LZIC: variants seen among roughly 807,000 people sequenced by gnomAD.
The protein encoded by LZIC is leucine zipper and CTNNBIP1 domain containing.
In LZIC, 28 loss-of-function variants were observed where a neutral mutation model predicts 25.4. The ratio of observed to expected loss-of-function variants is 1.10; its 90% CI spans 0.82 to 1.51. The LOEUF (loss-of-function observed/expected upper bound fraction) is 1.51, where lower values mean the gene tolerates loss of function less well. Among genes scored for constraint, LZIC ranks in the 40% most tolerant of loss-of-function variants. The pLI is 0.00. For synonymous variants in LZIC, 65 were observed against 70.7 expected (o/e 0.92, Z 0.40); for missense variants, 170 against 211.1 (o/e 0.81, Z 1.21).
chr1:9,939,670 C>T (rs1042599152), intron 2 of LZIC, among the ~76,000 whole-genome samples: 2 of 149,588 alleles, frequency 1.3e-5, no homozygotes, highest in African/African-American at 4.9e-5. Flanking sequence ...ACATTTCTTG[C>T]TATTTACATT....
At chr1:9,936,393 T>C (rs907566415) in intron 3 of LZIC, 126 bp downstream of exon 3, 3 of 629,306 alleles carry the variant, frequency 4.8e-6, no homozygotes, top group Admixed American at 2.9e-5. Flanking sequence ...ACTTCTCTAA[T>C]AGACAAAGCA....
intron 2 of LZIC, among the ~76,000 whole-genome samples, chr1:9,936,999 C>T (rs189094732): frequency 4.6e-5 from 7 of 152,282 alleles, no homozygotes; most frequent in Non-Finnish European, 1.0e-4. Flanking sequence ...TGTGGTGGCT[C>T]ACGCCTGTAA....
In LZIC at chr1:9,930,126, G is replaced by C. The variant is rs1388106622; in HGVS notation, c.*273C>G. ...CCTTAATAAAAATCAAGTCCACTTT[G>C]TTTTCTCTCTTAAACAGACAAATCA... On this transcript the variant is annotated 3_prime_UTR_variant, in exon 8 of 8. Transcript: ENST00000377223. 10 of 1,177,390 alleles carry C rather than the reference G, an allele frequency of 8.5e-6. No homozygotes were observed. Among genetic ancestry groups the C allele is most frequent in the Non-Finnish European group, 1.1e-5 (10 of 948,550 alleles). The allele number at this position is 1,177,390 out of a possible 1,614,324, so 72.9% of individuals were successfully genotyped here. A position where few individuals can be genotyped will look rare whatever the true frequency, so the allele number is the denominator to read the frequency against.
intron 4 of LZIC, 62 bp from the exon 5 acceptor site, chr1:9,934,922 C>T (rs1640387585): frequency 8.5e-7 from 1 of 1,176,338 alleles, no homozygotes; most frequent in African/African-American, 1.5e-5. Context: ...ATTGCAATAA[C>T]TGATTGACGG....
chr1:9,935,119 G>A (rs1192876956), intron 4 of LZIC, among the ~76,000 whole-genome samples: 2 of 151,026 alleles, frequency 1.3e-5, no homozygotes, highest in African/African-American at 4.9e-5. Context: ...AATGTAGCAA[G>A]ACCCCATCTC....
At position 9,927,225 on chromosome 1, in the gene LZIC, G is replaced by A. The variant is rs1205881936; in HGVS notation, c.*3174C>T. Among the ~76,000 whole-genome samples, 1 of 152,218 alleles carries A rather than the reference G, an allele frequency of 6.6e-6. No individual in the cohort carries two copies. Among genetic ancestry groups the A allele is most frequent in the Admixed American group, 6.5e-5 (1 of 15,276 alleles). ...TTACTTACAAAATGAACACATTAATGTGATAATTGACAAAATATTTCAGAT... is the reference window on the plus strand; with the variant it reads ...TTACTTACAAAATGAACACATTAATATGATAATTGACAAAATATTTCAGAT... On this transcript the variant is annotated 3_prime_UTR_variant, in exon 8 of 8. Coordinates refer to ENST00000377223, the MANE Select transcript of LZIC (RefSeq NM_032368.5).
intron 2 of LZIC, among the ~76,000 whole-genome samples, chr1:9,937,847 CAAAAAAAAAAA>C (rs34452687): frequency 4.7e-4 from 25 of 52,738 alleles, no homozygotes; most frequent in Non-Finnish European, 6.5e-4. Context: ...GACCCTGACT[CAAAAAAAAAAA>C]AAAAAAAAAA....
At chr1:9,940,171 T>C (rs1640646270) in intron 2 of LZIC, among the ~76,000 whole-genome samples, 1 of 151,322 alleles carries the variant, frequency 6.6e-6, no homozygotes, top group Admixed American at 6.6e-5. Flanking sequence ...GGTAACTTAT[T>C]AAAACATGTT....
chr1:9,939,984 T>C (rs1010887648), intron 2 of LZIC, among the ~76,000 whole-genome samples: 1 of 151,782 alleles, frequency 6.6e-6, no homozygotes, highest in Non-Finnish European at 1.5e-5. Context: ...CTGGGCATGG[T>C]GGTGTGTGCT....
chr1:9,937,842 T>C (rs1226750796), intron 2 of LZIC, among the ~76,000 whole-genome samples: 2 of 78,110 alleles, frequency 2.6e-5, no homozygotes, highest in African/African-American at 5.0e-5. Context: ...AGCGAGACCC[T>C]GACTCAAAAA....
chr1:9,932,846 T>C lies in LZIC; in HGVS notation c.389A>G (p.Gln130Arg), dbSNP rs181400398. Residue 130 changes from glutamine (Q) to arginine (R), a missense_variant, in exon 6 of 8, where the codon CAG becomes CGG. Transcript: ENST00000377223. ...AAGAGCTGTTAGTATCTCCACTTTC[T>C]GTTGAGTGTACAGGTCTCTTTCCAG... is the stretch of plus-strand genomic sequence containing the variant. ...GKLERDLYTQ[Q>R]KVEILTALRK... 5 of 1,613,120 alleles carry C rather than the reference T, an allele frequency of 3.1e-6. No homozygotes were observed. Among genetic ancestry groups the C allele is most frequent in the Non-Finnish European group, 4.2e-6 (5 of 1,179,200 alleles).
downstream of LZIC, among the ~76,000 whole-genome samples, chr1:9,924,478 C>A (rs762204050): frequency 6.6e-6 from 1 of 152,060 alleles, no homozygotes; most frequent in Non-Finnish European, 1.5e-5. Flanking sequence ...CCTCAGCCTC[C>A]CAAATAGCTG....
chr1:9,939,696 C>A (rs1032235689), intron 2 of LZIC, among the ~76,000 whole-genome samples: 1 of 152,126 alleles, frequency 6.6e-6, no homozygotes, highest in African/African-American at 2.4e-5. Context: ...GGCTTTATCA[C>A]TGATATATCT....
Position 9,941,853 on chromosome 1 carries a change from C to T in LZIC, c.-9+771G>A, listed in dbSNP as rs140852334. Among the ~76,000 whole-genome samples, 1,298 of 152,120 alleles carry T rather than the reference C, an allele frequency of 8.5e-3. 11 individuals carry two copies. Among genetic ancestry groups the T allele is most frequent in the Non-Finnish European group, 0.014 (957 of 67,998 alleles). On this transcript the variant is annotated intron_variant, in intron 2 of 7. Transcript: ENST00000377223. ...ACAATCTTGGACAGACAAAAAGTGC[C>T]GAATAAACAACTGGTAGATGAATAA... is the stretch of plus-strand genomic sequence containing the variant.
At chr1:9,923,336 A>C (rs541749876), downstream of LZIC, among the ~76,000 whole-genome samples, 2 of 152,098 alleles carry the variant, frequency 1.3e-5, no homozygotes, top group African/African-American at 4.8e-5. Flanking sequence ...CAGCCTCCTG[A>C]GTAGCTGGGA....
At chr1:9,925,886 CTTTTTT>C (rs70998325), downstream of LZIC, among the ~76,000 whole-genome samples, 5 of 43,472 alleles carry the variant, frequency 1.2e-4, no homozygotes, top group Non-Finnish European at 1.8e-4. Context: ...CCACTCATGC[CTTTTTT>C]TTTTTTTTTT....
chr1:9,924,746 A>C (rs1049006731), downstream of LZIC, among the ~76,000 whole-genome samples: 1 of 152,294 alleles, frequency 6.6e-6, no homozygotes, highest in East Asian at 1.9e-4. Context: ...GTATTGAAGG[A>C]ATAATGTTGG....
Position 9,928,878 on chromosome 1 carries a change from AAAAAAG to A in LZIC, c.*1515_*1520del, listed in dbSNP as rs1640100011. On this transcript the variant is annotated 3_prime_UTR_variant, in exon 8 of 8. Transcript: ENST00000377223. ...TAAAACTCTGTCTCAAAAAAAAAAA[AAAAAAG>A]AAAAGAAAATATTATGCTAAGTGAA... 6.7e-6 allele frequency: 1 copy of A among 149,920 alleles called. No individual in the cohort carries two copies. Among genetic ancestry groups the A allele is most frequent in the Admixed American group, 6.7e-5 (1 of 14,852 alleles). 9.3% of individuals were successfully genotyped at this position (149,920 alleles called of 1,614,324 possible). A position where few individuals can be genotyped will look rare whatever the true frequency, so the allele number is the denominator to read the frequency against.
intron 6 of LZIC, 89 bp from the exon 7 acceptor site, chr1:9,932,061 A>G (rs971093752): frequency 4.0e-5 from 22 of 555,306 alleles, no homozygotes; most frequent in Non-Finnish European, 5.1e-5. Flanking sequence ...GAGGCTGGGC[A>G]CCGTGGCTCA....
Sources: gnomAD v4.1 joint callset for allele counts (sites outside exome capture counted in the v4.1 genomes callset) on GRCh38, gnomAD v4.1.1 for gene constraint, MANE v1.5 for transcripts, NCBI Gene and HGNC (gene_info 2026-07-23, HGNC 2026-07-21) for gene names.